ZBTB7C: variants seen among roughly 807,000 people sequenced by gnomAD.
ZBTB7C encodes zinc finger and BTB domain containing 7C.
Under a neutral mutation model 25.7 loss-of-function variants are expected in ZBTB7C, and 8 were observed. The ratio of observed to expected loss-of-function variants is 0.31; its 90% CI spans 0.18 to 0.56. The LOEUF is 0.56. ZBTB7C is among the 20% of genes least tolerant of loss of function. The pLI, the probability that ZBTB7C is intolerant of heterozygous loss-of-function variation, is 0.91. For synonymous variants in ZBTB7C, 394 were observed against 369.0 expected (o/e 1.07, Z -0.78); for missense variants, 824 against 855.2 (o/e 0.96, Z 0.46).
rs573417978 is a variant in ZBTB7C at position 48,296,474 on chromosome 18, T to C, written c.-79+41700A>G. On this transcript the variant is annotated intron_variant, in intron 2 of 4. Transcript: ENST00000590800. ...TTCCTTTAAGATGTCTCCTTTTGTT[T>C]TCCTCTCCCATCTCTATTTGTCTTT... 2.0e-4 allele frequency among the ~76,000 whole-genome samples: 31 copies of C among 152,344 alleles called. No homozygotes were observed. In the East Asian group the frequency reaches 5.8e-3, roughly 28 times the overall value.
intron 2 of ZBTB7C, among the ~76,000 whole-genome samples, chr18:48,192,613 C>T (rs1420530669): frequency 6.6e-6 from 1 of 152,206 alleles, no homozygotes; most frequent in South Asian, 2.1e-4. Flanking sequence ...TAGCCCGTGG[C>T]ACCACGCCTG....
intron 4 of ZBTB7C, among the ~76,000 whole-genome samples, chr18:48,037,985 C>T (rs181423652): frequency 2.2e-4 from 34 of 152,306 alleles, no homozygotes; most frequent in African/African-American, 7.7e-4. Context: ...GGCTTATCTC[C>T]CTCGGTATTC....
intron 1 of ZBTB7C, among the ~76,000 whole-genome samples, chr18:48,348,809 T>A (rs2046799409): frequency 6.6e-6 from 1 of 152,252 alleles, no homozygotes; most frequent in Admixed American, 6.5e-5. Context: ...AAGGCTAGAC[T>A]TTGTATCAAA....
At chr18:48,068,548 A>G (rs2037422958) in intron 3 of ZBTB7C, among the ~76,000 whole-genome samples, 1 of 152,120 alleles carries the variant, frequency 6.6e-6, no homozygotes, top group Non-Finnish European at 1.5e-5. Flanking sequence ...ACCCCAGACA[A>G]GTTGAATTAG....
chr18:48,295,223 G>A (rs945803068), intron 2 of ZBTB7C, among the ~76,000 whole-genome samples: 2 of 152,204 alleles, frequency 1.3e-5, no homozygotes, highest in African/African-American at 4.8e-5. Context: ...GGTAGGTCCA[G>A]GGTGGGCCTG....
chr18:48,292,673 G>A (rs1367079240), intron 2 of ZBTB7C, among the ~76,000 whole-genome samples: 2 of 152,162 alleles, frequency 1.3e-5, no homozygotes, highest in East Asian at 3.8e-4. Flanking sequence ...AAAGACTGAG[G>A]ATCAAGCTTT....
At chr18:48,229,609 GAT>G (rs1210411547) in intron 2 of ZBTB7C, among the ~76,000 whole-genome samples, 1 of 152,192 alleles carries the variant, frequency 6.6e-6, no homozygotes, top group Non-Finnish European at 1.5e-5. Context: ...CTCAGATAGA[GAT>G]CGCTTAATAA....
chr18:48,095,275 G>A (rs760805327), intron 3 of ZBTB7C, among the ~76,000 whole-genome samples: 8 of 152,138 alleles, frequency 5.3e-5, no homozygotes, highest in Non-Finnish European at 1.2e-4. Flanking sequence ...GAGAACAGAG[G>A]TCTGCAAGGT....
intron 3 of ZBTB7C, among the ~76,000 whole-genome samples, chr18:48,154,398 C>T (rs1182685262): frequency 1.3e-4 from 20 of 152,228 alleles, no homozygotes; most frequent in Admixed American, 1.3e-4. Context: ...GGACAAGGCC[C>T]GAGCTGTAAC....
intron 3 of ZBTB7C, chr18:48,180,408 T>C (rs7228157): frequency 0.44 from 197,926 of 454,602 alleles, 44,894 homozygotes; most frequent in Admixed American, 0.6. Context: ...GGCACGCTCA[T>C]TGACAGGCCA....
intron 3 of ZBTB7C, among the ~76,000 whole-genome samples, chr18:48,101,736 T>C (rs1006663897): frequency 6.6e-6 from 1 of 152,228 alleles, no homozygotes; most frequent in Non-Finnish European, 1.5e-5. Context: ...TTGTAAGTGT[T>C]ACCAACCGGT....
intron 3 of ZBTB7C, among the ~76,000 whole-genome samples, chr18:48,109,402 A>G (rs1199267928): frequency 6.6e-6 from 1 of 152,120 alleles, no homozygotes; most frequent in Non-Finnish European, 1.5e-5. Context: ...ATCTTTCTAG[A>G]ACTGGAAAGA....
chr18:48,116,389 A>T (rs1256024354), intron 3 of ZBTB7C, among the ~76,000 whole-genome samples: 1 of 152,224 alleles, frequency 6.6e-6, no homozygotes, highest in Non-Finnish European at 1.5e-5. Context: ...ATGTATCAAT[A>T]TTAATTAGCA....
At chr18:48,090,007 G>T (rs563207292) in intron 3 of ZBTB7C, among the ~76,000 whole-genome samples, 2 of 152,234 alleles carry the variant, frequency 1.3e-5, no homozygotes, top group Non-Finnish European at 2.9e-5. Flanking sequence ...AGTGTGGTCC[G>T]TGGCAGGGCA....
At chr18:48,084,526 G>A (rs1392341876) in intron 3 of ZBTB7C, among the ~76,000 whole-genome samples, 1 of 152,108 alleles carries the variant, frequency 6.6e-6, no homozygotes, top group Non-Finnish European at 1.5e-5. Context: ...ACTTTTCTGG[G>A]GCATCCAGCA....
intron 3 of ZBTB7C, among the ~76,000 whole-genome samples, chr18:48,106,339 T>C (rs2039024895): frequency 7.6e-6 from 1 of 131,614 alleles, no homozygotes; most frequent in East Asian, 2.3e-4. Context: ...TTTCCAAAAG[T>C]GGCAAGAAAA....
intron 3 of ZBTB7C, chr18:48,162,419 A>G (rs1213003914): frequency 2.2e-6 from 1 of 456,534 alleles, no homozygotes; most frequent in South Asian, 1.5e-5. Context: ...AGATAGTAAT[A>G]GTATTCACCT....
At chr18:48,311,231 C>A (rs952274251) in intron 2 of ZBTB7C, among the ~76,000 whole-genome samples, 27 of 152,172 alleles carry the variant, frequency 1.8e-4, no homozygotes, top group African/African-American at 6.5e-4. Flanking sequence ...CCCTGCCTGC[C>A]CGTGGTGGGA....
intron 1 of ZBTB7C, among the ~76,000 whole-genome samples, chr18:48,348,488 T>G (rs927306392): frequency 6.6e-6 from 1 of 152,180 alleles, no homozygotes; most frequent in Non-Finnish European, 1.5e-5. Flanking sequence ...GCCTGACTGT[T>G]TTGTTCCAGA....
Sources: gnomAD v4.1 joint callset for allele counts (sites outside exome capture counted in the v4.1 genomes callset) on GRCh38, gnomAD v4.1.1 for gene constraint, MANE v1.5 for transcripts, NCBI Gene and HGNC (gene_info 2026-07-23, HGNC 2026-07-21) for gene names.